The following BAIAP2 variants were observed in gnomAD, a reference collection of about 807,000 sequenced individuals.
BAIAP2 encodes the protein BAR/IMD domain containing adaptor protein 2, also known as BAR/IMD domain-containing adapter protein 2.
BAIAP2 carries 18 observed loss-of-function variants against 63.0 expected under a neutral mutation model. The observed-to-expected ratio is 0.29, with a 90% CI of 0.20 to 0.42. BAIAP2 has a LOEUF of 0.42. BAIAP2 is among the 10% of genes least tolerant of loss of function. The probability of loss-of-function intolerance (pLI) is 1.00; values close to 1 mark genes in which losing one functional copy is unlikely to be tolerated. For synonymous variants in BAIAP2, 386 were observed against 307.6 expected (o/e 1.25, Z -2.67); for missense variants, 610 against 734.3 (o/e 0.83, Z 1.96).
chr17:81,058,222 C>T (rs117736572), intron 3 of BAIAP2, among the ~76,000 whole-genome samples: 7,665 of 152,216 alleles, frequency 0.05, 280 homozygotes, highest in Admixed American at 0.11. Context: ...AAAAGTGTTC[C>T]CGGCAAATTG....
intron 13 of BAIAP2, chr17:81,109,774 C>CCG: frequency 1.0e-6 from 1 of 985,458 alleles, no homozygotes; most frequent in South Asian, 4.7e-5. Flanking sequence ...GCCCAGCTGG[C>CCG]CGCACACGGA....
chr17:81,095,945 G>A (rs2057545222), intron 6 of BAIAP2, among the ~76,000 whole-genome samples: 1 of 152,166 alleles, frequency 6.6e-6, no homozygotes, highest in Admixed American at 6.5e-5. Flanking sequence ...GAGCATGAGC[G>A]TGAGAAAGTA....
At chr17:81,088,072 C>T (rs2056021279) in intron 6 of BAIAP2, among the ~76,000 whole-genome samples, 1 of 151,924 alleles carries the variant, frequency 6.6e-6, no homozygotes, top group Non-Finnish European at 1.5e-5. Context: ...GTCTGTTTTT[C>T]TTCTTCCTCC....
At chr17:81,036,639 A>G (rs1277019920) in intron 1 of BAIAP2, among the ~76,000 whole-genome samples, 1 of 152,198 alleles carries the variant, frequency 6.6e-6, no homozygotes, top group Admixed American at 6.5e-5. Flanking sequence ...GGTCGACTAG[A>G]TGAGTCCTAA....
chr17:81,056,031 C>T (rs1388540970), intron 2 of BAIAP2, among the ~76,000 whole-genome samples: 1 of 152,184 alleles, frequency 6.6e-6, no homozygotes, highest in Non-Finnish European at 1.5e-5. Context: ...GTTTGCTTCC[C>T]TATGGTGCAC....
At chr17:81,048,633 A>T (rs2048194147) in intron 1 of BAIAP2, among the ~76,000 whole-genome samples, 1 of 152,138 alleles carries the variant, frequency 6.6e-6, no homozygotes, top group Non-Finnish European at 1.5e-5. Flanking sequence ...CTCGCCAGCC[A>T]AAAGGGCTCC....
intron 1 of BAIAP2, among the ~76,000 whole-genome samples, chr17:81,048,243 G>T (rs907456078): frequency 6.6e-6 from 1 of 151,958 alleles, no homozygotes; most frequent in African/African-American, 2.4e-5. Context: ...AATTAGCTGG[G>T]TGTGGTGGTG....
intron 1 of BAIAP2, among the ~76,000 whole-genome samples, chr17:81,044,941 G>A (rs760964386): frequency 5.3e-5 from 8 of 152,212 alleles, no homozygotes; most frequent in Non-Finnish European, 8.8e-5. Context: ...TCTGTGACCC[G>A]GGCCAGGGTG....
chr17:81,098,849 C>T (rs1005359998), intron 6 of BAIAP2, among the ~76,000 whole-genome samples: 3 of 152,262 alleles, frequency 2.0e-5, no homozygotes, highest in African/African-American at 7.2e-5. Context: ...CGCCTGCTGG[C>T]TGCCCTGGTT....
At chr17:81,096,753 G>C (rs562340415) in intron 6 of BAIAP2, among the ~76,000 whole-genome samples, 56 of 152,380 alleles carry the variant, frequency 3.7e-4, no homozygotes, top group African/African-American at 1.3e-3. Flanking sequence ...TCCTGGCCAC[G>C]GCCATCATGC....
chr17:81,044,484 C>T (rs539100105), intron 1 of BAIAP2, among the ~76,000 whole-genome samples: 99 of 152,360 alleles, frequency 6.5e-4, no homozygotes, highest in African/African-American at 2.1e-3. Context: ...GATTAGGGCC[C>T]GCCCTAGTGA....
In BAIAP2 at chr17:81,103,685, C is replaced by A; in HGVS notation, c.826C>A (p.Pro276Thr). 2 of 1,595,064 alleles carry A rather than the reference C, an allele frequency of 1.3e-6. No individual in the cohort carries two copies. Among genetic ancestry groups the A allele is most frequent in the East Asian group, 2.2e-5 (1 of 44,508 alleles). ...TTCCGACCCCATTCCGGGGGCCAAG[C>A]CCCTGCCGGTGCCCCCCGAGCTGGC... The part of the protein sequence containing the change: ...VISDPIPGAK[P>T]LPVPPELAPF... The change falls in exon 8 of 14, where the codon CCC (proline) becomes ACC (threonine). Residue 276 changes from proline (P) to threonine (T), a missense_variant. This residue lies in a region of BAIAP2 where 389 missense variants were observed against 455.6 expected (regional missense o/e 0.85). Coordinates refer to ENST00000428708, the MANE Select transcript of BAIAP2 (RefSeq NM_001144888.2).
intron 1 of BAIAP2, among the ~76,000 whole-genome samples, chr17:81,049,162 C>G (rs2048286876): frequency 6.6e-6 from 1 of 152,268 alleles, no homozygotes; most frequent in African/African-American, 2.4e-5. Context: ...TGCGTTTGTA[C>G]TGCACAGGTC....
At chr17:81,075,741 A>G (rs528903942) in intron 3 of BAIAP2, among the ~76,000 whole-genome samples, 4 of 152,300 alleles carry the variant, frequency 2.6e-5, no homozygotes, top group African/African-American at 9.6e-5. Context: ...GGGGCCACTT[A>G]GAACACTATG....
At chr17:81,036,277 C>G (rs935135776) in intron 1 of BAIAP2, among the ~76,000 whole-genome samples, 2 of 152,226 alleles carry the variant, frequency 1.3e-5, no homozygotes, top group African/African-American at 4.8e-5. Flanking sequence ...CCTGGGCGAT[C>G]TCTTACAGAT....
intron 1 of BAIAP2, among the ~76,000 whole-genome samples, chr17:81,036,593 C>A (rs980652724): frequency 1.1e-4 from 17 of 152,302 alleles, no homozygotes; most frequent in Admixed American, 2.6e-4. Context: ...AAGTTGGGGC[C>A]GCGTCAGTCT....
intron 6 of BAIAP2, among the ~76,000 whole-genome samples, chr17:81,094,213 G>A (rs2057280480): frequency 6.6e-6 from 1 of 152,142 alleles, no homozygotes. Context: ...CTGGCTCTTG[G>A]GGACAGCTTG....
At chr17:81,105,960 C>A in intron 10 of BAIAP2, 118 bp from the exon 11 acceptor site, 1 of 848,216 alleles carries the variant, frequency 1.2e-6, no homozygotes, top group Non-Finnish European at 1.9e-6. Flanking sequence ...TCTGTTGCTC[C>A]AGAGACAGCC....
Position 81,035,193 on chromosome 17 carries a change from GCCGCTGCTGCCGCCGCTTGCGTCCC to G in BAIAP2, c.-56_-32del, listed in dbSNP as rs1431101593. On this transcript the variant is annotated 5_prime_UTR_variant, in exon 1 of 14. Coordinates refer to ENST00000428708, the MANE Select transcript of BAIAP2 (RefSeq NM_001144888.2). ...TCGTCTCCGTCCTGCTGCCGTTACCGCCGCTGCTGCCGCCGCTTGCGTCCCCCGCTCCGGTCTGTGGTGCAGCCGG... is the reference window on the plus strand; with the variant it reads ...TCGTCTCCGTCCTGCTGCCGTTACCGCCGCTCCGGTCTGTGGTGCAGCCGG... The G allele has an allele frequency of 8.0e-6, 11 of 1,367,794 alleles. No homozygotes were observed. The highest frequency in any genetic ancestry group is 1.5e-5 in the African/African-American group (1 of 65,592). The allele number at this position is 1,367,794 out of a possible 1,614,324, so 84.7% of individuals were successfully genotyped here. A position where few individuals can be genotyped will look rare whatever the true frequency, so the allele number is the denominator to read the frequency against.
Sources: allele counts gnomAD v4.1 joint callset (sites outside exome capture counted in the v4.1 genomes callset), GRCh38; gene constraint gnomAD v4.1.1; regional missense constraint gnomAD v4.1.1; transcripts MANE v1.5; gene names NCBI Gene and HGNC (gene_info 2026-07-23, HGNC 2026-07-21).